Variants in ITGB5 observed in about 807,000 individuals in gnomAD.
ITGB5 encodes the protein integrin beta-5.
A neutral mutation model predicts 84.8 loss-of-function variants in ITGB5; 38 were observed. The observed-to-expected ratio is 0.45, with a 90% CI of 0.35 to 0.59. The LOEUF is 0.59. ITGB5 is among the 20% of genes least tolerant of loss of function. The probability of loss-of-function intolerance (pLI) is 0.01; values close to 1 mark genes in which losing one functional copy is unlikely to be tolerated. For missense variants in ITGB5, 905 were observed against 1,034.5 expected (o/e 0.87, Z 1.72); for synonymous variants, 393 against 414.4 (o/e 0.95, Z 0.63).
chr3:124,803,342 C>CT (rs1430048236), intron 9 of ITGB5, among the ~76,000 whole-genome samples: 1 of 152,270 alleles, frequency 6.6e-6, no homozygotes. Context: ...CTTGAGGCTT[C>CT]TGGCACGCTT....
At chr3:124,895,141 T>C (rs528130976) in intron 1 of ITGB5, among the ~76,000 whole-genome samples, 17 of 152,252 alleles carry the variant, frequency 1.1e-4, no homozygotes, top group African/African-American at 3.9e-4. Context: ...AGGACAGAGA[T>C]ACCTGAAGAT....
At chr3:124,772,433 G>A (rs900045363) in intron 11 of ITGB5, among the ~76,000 whole-genome samples, 3 of 152,260 alleles carry the variant, frequency 2.0e-5, no homozygotes, top group South Asian at 2.1e-4. Context: ...CGCTGCAGGC[G>A]CAGGGAGCAT....
At chr3:124,890,676 C>A (rs1259972766), upstream of ITGB5, among the ~76,000 whole-genome samples, 1 of 152,104 alleles carries the variant, frequency 6.6e-6, no homozygotes, top group Admixed American at 6.5e-5. Flanking sequence ...GCGATCAAAC[C>A]TGCCCCTGGT....
At chr3:124,797,937 G>A (rs531873982) in intron 9 of ITGB5, among the ~76,000 whole-genome samples, 174 of 152,040 alleles carry the variant, frequency 1.1e-3, no homozygotes, top group African/African-American at 3.9e-3. Flanking sequence ...CACTGGATCT[G>A]GGTCCAAATG....
chr3:124,859,551 C>T, intron 2 of ITGB5, 105 bp from the exon 3 acceptor site: 1 of 803,448 alleles, frequency 1.2e-6, no homozygotes, highest in Non-Finnish European at 2.0e-6. Flanking sequence ...AAATTCTCTA[C>T]TTTCCATTTT....
intron 2 of ITGB5, among the ~76,000 whole-genome samples, chr3:124,863,937 G>C (rs1440838257): frequency 7.3e-6 from 1 of 136,146 alleles, no homozygotes; most frequent in Non-Finnish European, 1.5e-5. Context: ...TATAAATCTG[G>C]AAAATGTCTC....
chr3:124,886,885 A>G (rs9859512), intron 1 of ITGB5, 46 bp downstream of exon 1: 1 of 1,157,368 alleles, frequency 8.6e-7, no homozygotes, highest in Non-Finnish European at 1.1e-6. Flanking sequence ...CCCGCGGCTG[A>G]GTGTGCGACA....
At chr3:124,775,599 T>TA (rs533842427) in intron 10 of ITGB5, among the ~76,000 whole-genome samples, 119 of 152,288 alleles carry the variant, frequency 7.8e-4, no homozygotes, top group African/African-American at 2.5e-3. Flanking sequence ...CTAATGCCAT[T>TA]ATGTGAAGGC....
chr3:124,767,619 C>T (rs1053259531), intron 12 of ITGB5, among the ~76,000 whole-genome samples: 4 of 152,250 alleles, frequency 2.6e-5, no homozygotes, highest in East Asian at 1.9e-4. Flanking sequence ...AACCTGAGGT[C>T]GGCCAGGCCC....
rs1477924915 is a variant in ITGB5, at chr3:124,769,010, C to T, written c.2017+3G>A. 6.2e-6 allele frequency: 10 copies of T among 1,610,334 alleles called. No individual in the cohort carries two copies. In the East Asian group the frequency reaches 2.2e-4, roughly 36 times the overall value. On this transcript the variant is annotated splice_donor_region_variant and intron_variant, in intron 12 of 14. Transcript: ENST00000296181. Reference sequence around the variant, plus strand: ...ACTGCCCGGGTGGTGGCAGCACACTCACCGATGGTGTCCACCCATGTGATC... The same window carrying T: ...ACTGCCCGGGTGGTGGCAGCACACTTACCGATGGTGTCCACCCATGTGATC...
chr3:124,843,936 C>A (rs1012567050), intron 4 of ITGB5, among the ~76,000 whole-genome samples: 1 of 152,172 alleles, frequency 6.6e-6, no homozygotes, highest in East Asian at 1.9e-4. Flanking sequence ...TTTGAAGACA[C>A]CAGACCTAGG....
chr3:124,838,110 A>G (rs372680770), intron 5 of ITGB5, among the ~76,000 whole-genome samples: 50 of 152,302 alleles, frequency 3.3e-4, no homozygotes, highest in African/African-American at 1.2e-3. Context: ...ATACAAATGC[A>G]ACAAGACTGG....
intron 2 of ITGB5, among the ~76,000 whole-genome samples, chr3:124,872,730 T>C (rs940356448): frequency 1.3e-5 from 2 of 152,156 alleles, no homozygotes; most frequent in African/African-American, 4.8e-5. Flanking sequence ...CAAGTTACAT[T>C]TCCTTCCCTC....
chr3:124,816,687 G>A (rs2064600988), intron 8 of ITGB5, among the ~76,000 whole-genome samples: 1 of 152,132 alleles, frequency 6.6e-6, no homozygotes, highest in African/African-American at 2.4e-5. Context: ...AGTACTTTTG[G>A]GGTGTTATGA....
intron 10 of ITGB5, among the ~76,000 whole-genome samples, chr3:124,795,040 A>G (rs1301455964): frequency 1.3e-5 from 2 of 152,186 alleles, no homozygotes; most frequent in Non-Finnish European, 2.9e-5. Context: ...ACCCTCGGAC[A>G]AGGAAGAGAC....
upstream of ITGB5, among the ~76,000 whole-genome samples, chr3:124,891,916 CA>C (rs969454098): frequency 7.4e-6 from 1 of 136,036 alleles, no homozygotes; most frequent in Non-Finnish European, 1.6e-5. Flanking sequence ...GGCCCTGTCT[CA>C]AAAAAAAATA....
At chr3:124,766,186 G>A (rs376752157) in intron 13 of ITGB5, 40 bp downstream of exon 13, 29 of 1,599,296 alleles carry the variant, frequency 1.8e-5, no homozygotes, top group Non-Finnish European at 2.4e-5. Context: ...CAGAACTGAG[G>A]GCTGGCTGAG....
intron 10 of ITGB5, among the ~76,000 whole-genome samples, chr3:124,794,628 A>T (rs1335248323): frequency 6.6e-6 from 1 of 152,022 alleles, no homozygotes; most frequent in East Asian, 1.9e-4. Context: ...TTAAAAAAAA[A>T]AAAATTTGCC....
At chr3:124,863,607 T>C (rs917105561) in intron 2 of ITGB5, among the ~76,000 whole-genome samples, 1 of 152,082 alleles carries the variant, frequency 6.6e-6, no homozygotes, top group African/African-American at 2.4e-5. Context: ...CAACCTCTGC[T>C]TCCTGGGTTC....
Sources: gnomAD v4.1 joint callset for allele counts (sites outside exome capture counted in the v4.1 genomes callset) on GRCh38, gnomAD v4.1.1 for gene constraint, MANE v1.5 for transcripts, NCBI Gene and HGNC (gene_info 2026-07-23, HGNC 2026-07-21) for gene names.